ATM: variants seen among roughly 807,000 people sequenced by gnomAD.
ATM encodes serine-protein kinase ATM.
ATM carries 308 observed loss-of-function variants against 387.0 expected under a neutral mutation model. That is an observed-to-expected ratio of 0.80 (90% confidence interval 0.73 to 0.87). ATM has a LOEUF of 0.87. Ranked by LOEUF, ATM falls within the 40% of genes least tolerant of loss-of-function variation. The pLI is 0.00. For synonymous variants in ATM, 1,156 were observed against 1,187.3 expected (o/e 0.97, Z 0.54); for missense variants, 3,312 against 3,560.9 (o/e 0.93, Z 1.78).
intron 26 of ATM, among the ~76,000 whole-genome samples, chr11:108,285,520 C>T (rs1025495872): frequency 6.6e-6 from 1 of 151,994 alleles, no homozygotes; most frequent in Non-Finnish European, 1.5e-5. Flanking sequence ...GCTGTGGTCA[C>T]CCCACATTTA....
intron 16 of ATM, among the ~76,000 whole-genome samples, chr11:108,260,969 C>G (rs555927845): frequency 0.013 from 2,009 of 152,304 alleles, 51 homozygotes; most frequent in African/African-American, 0.044. Context: ...ATATCCCGCA[C>G]CTGGCTCGGA....
At chr11:108,343,641 T>C (rs1057114428) in intron 57 of ATM, among the ~76,000 whole-genome samples, 1 of 152,160 alleles carries the variant, frequency 6.6e-6, no homozygotes, top group Admixed American at 6.6e-5. Context: ...GATAAACTAA[T>C]TCTTAGCAAA....
At chr11:108,357,097 G>A (rs990696802) in intron 61 of ATM, among the ~76,000 whole-genome samples, 4 of 152,238 alleles carry the variant, frequency 2.6e-5, no homozygotes, top group Non-Finnish European at 4.4e-5. Context: ...CGCACTGTGC[G>A]CGAACTGAAG....
chr11:108,315,962 G>C (rs1317817352), intron 41 of ATM, 49 bp from the exon 42 acceptor site: 2 of 1,607,902 alleles, frequency 1.2e-6, no homozygotes, highest in Non-Finnish European at 1.7e-6. Flanking sequence ...TTATGAAGGA[G>C]TTATGTGTGT....
chr11:108,353,170 TG>T (rs2089419029), intron 59 of ATM, among the ~76,000 whole-genome samples: 1 of 152,076 alleles, frequency 6.6e-6, no homozygotes, highest in Non-Finnish European at 1.5e-5. Flanking sequence ...TTTTTTTTGA[TG>T]GAGTTTCACT....
At chr11:108,278,781 G>A (rs556830863) in intron 22 of ATM, among the ~76,000 whole-genome samples, 19 of 152,180 alleles carry the variant, frequency 1.2e-4, no homozygotes, top group African/African-American at 4.6e-4. Context: ...ATCTATTCGT[G>A]AGGGATCTGC....
rs4988116 is a variant in ATM at position 108,328,404 on chromosome 11, A to G, written c.7090-617A>G. Among the ~76,000 whole-genome samples, 527 of 152,032 alleles carry G rather than the reference A, an allele frequency of 3.5e-3. 2 individuals carry two copies. The highest frequency in any genetic ancestry group is 5.8e-3 in the Non-Finnish European group (393 of 67,980). On this transcript the variant is annotated intron_variant, in intron 48 of 62. Coordinates refer to ENST00000675843, the MANE Select transcript of ATM (RefSeq NM_000051.4). The stretch of plus-strand genomic sequence containing the variant: ...TGGGACTACAGGAGTGTGCCACCAC[A>G]CCCGGCTAATATTTTTTATTTTTAG...
chr11:108,278,646 T>A (rs982040643), intron 22 of ATM, among the ~76,000 whole-genome samples: 2 of 152,014 alleles, frequency 1.3e-5, no homozygotes, highest in African/African-American at 4.8e-5. Flanking sequence ...TGTGCAGAGA[T>A]CACATGGTGA....
intron 5 of ATM, among the ~76,000 whole-genome samples, chr11:108,242,837 A>G (rs4987915): frequency 0.022 from 3,374 of 152,230 alleles, 56 homozygotes; most frequent in Middle Eastern, 0.044. Context: ...TTACTGGGAG[A>G]AATAAACTGT....
chr11:108,272,188 GA>G (rs2135561123), intron 20 of ATM, among the ~76,000 whole-genome samples: 1 of 152,186 alleles, frequency 6.6e-6, no homozygotes, highest in Admixed American at 6.5e-5. Context: ...ATGTGGTTTT[GA>G]AATCTTCAAT....
chr11:108,354,734 T>G (rs150515345), intron 60 of ATM, 77 bp from the exon 61 acceptor site: 2 of 1,223,880 alleles, frequency 1.6e-6, no homozygotes, highest in Non-Finnish European at 2.4e-6. Context: ...ATACTACACA[T>G]GAGAGTATAC....
rs1060504284 is a variant in ATM, at chr11:108,289,040, C to G, written c.4173C>G (p.Ala1391=). Residue 1391 remains alanine (A), a synonymous_variant, in exon 28 of 63, where the codon GCC becomes GCG. Transcript: ENST00000675843. The part of the protein sequence containing the change: ...FPSHVIKATF[A]YISNCHKTKL... ...CGCATGTGATTAAAGCAACATTTGC[C>G]TATATCAGCAATTGTCATAAAACCA... The G allele has an allele frequency of 1.9e-6, 3 of 1,612,904 alleles. No individual in the cohort carries two copies. The highest frequency in any genetic ancestry group is 4.5e-5 in the East Asian group (2 of 44,732).
At chr11:108,278,828 A>G (rs1040628111) in intron 22 of ATM, among the ~76,000 whole-genome samples, 1 of 152,134 alleles carries the variant, frequency 6.6e-6, no homozygotes, top group Non-Finnish European at 1.5e-5. Flanking sequence ...GGCATAACCT[A>G]ATGGGGATCA....
rs1057521604 is a variant in ATM, at chr11:108,330,376, C to G, written c.7470C>G (p.Leu2490=). ...TGTGGGTATTCCGACTTTGTTCCCTCTGGCTTGAAAATTCTGGAGTTTCTG... is the reference window on the plus strand; with the variant it reads ...TGTGGGTATTCCGACTTTGTTCCCTGTGGCTTGAAAATTCTGGAGTTTCTG... ...HDMWVFRLCS[L]WLENSGVSEV... is the part of the protein sequence containing the mutation. Residue 2490 remains leucine (L), a synonymous_variant, in exon 50 of 63, where the codon CTC becomes CTG. Coordinates refer to ENST00000675843, the MANE Select transcript of ATM (RefSeq NM_000051.4). 6.2e-7 allele frequency: 1 copy of G among 1,614,168 alleles called. No homozygotes were observed. Among genetic ancestry groups the G allele is most frequent in the Admixed American group, 1.7e-5 (1 of 60,026 alleles).
chr11:108,321,273 CAG>C (rs745661253), intron 44 of ATM, 26 bp from the exon 45 acceptor site: 45 of 1,613,436 alleles, frequency 2.8e-5, no homozygotes, highest in Non-Finnish European at 3.3e-5. Context: ...TCTTTATTTT[CAG>C]AGTGTCTTTT....
In ATM at chr11:108,310,276, T is replaced by A. The variant is rs587782503; in HGVS notation, c.5879T>A (p.Ile1960Asn). 1 of 1,613,574 alleles carries A rather than the reference T, an allele frequency of 6.2e-7. No individual in the cohort carries two copies. Among genetic ancestry groups the A allele is most frequent in the Non-Finnish European group, 8.5e-7 (1 of 1,179,720 alleles). The stretch of plus-strand genomic sequence containing the variant: ...TTTACAGCTTTACTCTATGCAGAAA[T>A]CTATGCAGATAAGAAAAGTATGGAT... ...AHFTALLYAE[I>N]YADKKSMDDQ... The change falls in exon 39 of 63, where the codon ATC becomes AAC. Residue 1960 changes from isoleucine (I) to asparagine (N), a missense_variant. Physicochemically the swap from Ile to Asn is moderately radical, Grantham distance 149. Transcript: ENST00000675843.
At chr11:108,266,148 G>A (rs1410639463) in intron 16 of ATM, among the ~76,000 whole-genome samples, 1 of 148,820 alleles carries the variant, frequency 6.7e-6, no homozygotes, top group Non-Finnish European at 1.5e-5. Context: ...ATACCCAAAG[G>A]ACTATAAATC....
At chr11:108,298,273 C>T (rs2083230074) in intron 33 of ATM, among the ~76,000 whole-genome samples, 1 of 152,132 alleles carries the variant, frequency 6.6e-6, no homozygotes, top group South Asian at 2.1e-4. Flanking sequence ...TTCACAGATT[C>T]TACTATCTTT....
intron 61 of ATM, among the ~76,000 whole-genome samples, chr11:108,358,554 G>A (rs1160553412): frequency 1.6e-5 from 2 of 127,358 alleles, no homozygotes; most frequent in Non-Finnish European, 3.4e-5. Context: ...AGAAAGGTCG[G>A]GTTACCCTCA....
Sources: allele counts gnomAD v4.1 joint callset (sites outside exome capture counted in the v4.1 genomes callset), GRCh38; gene constraint gnomAD v4.1.1; transcripts MANE v1.5; gene names NCBI Gene and HGNC (gene_info 2026-07-23, HGNC 2026-07-21).